EPHX2: variants seen among roughly 807,000 people sequenced by gnomAD.
EPHX2 encodes the protein epoxide hydrolase 2, also known as bifunctional epoxide hydrolase 2.
Under a neutral mutation model 78.7 loss-of-function variants are expected in EPHX2, and 74 were observed. The observed-to-expected ratio is 0.94, with a 90% CI of 0.78 to 1.14. The LOEUF (loss-of-function observed/expected upper bound fraction) is 1.14. EPHX2 is among the 50% of genes most tolerant of loss of function. The pLI, the probability that EPHX2 is intolerant of heterozygous loss-of-function variation, is 0.00. For synonymous variants in EPHX2, 251 were observed against 255.2 expected, an observed-to-expected ratio of 0.98 and a Z score of 0.16; for missense variants, 715 against 702.5, an observed-to-expected ratio of 1.02 and a Z score of -0.20.
chr8:27,509,040 T>A (rs1814132958), intron 5 of EPHX2, among the ~76,000 whole-genome samples: 2 of 141,744 alleles, frequency 1.4e-5, no homozygotes, highest in Non-Finnish European at 3.1e-5. Context: ...AGACTGTGTG[T>A]CCTGGCCCCT....
Position 27,541,528 on chromosome 8 carries a change from A to G in EPHX2, c.1435A>G (p.Ser479Gly). ...AAGGAACTGGAAGTGGGCTTGCAAA[A>G]GCTTGGGACGGAAGGTGAGTGCCAG... ...MERNWKWACK[S>G]LGRKILIPAL... Residue 479 changes from serine (S) to glycine (G), a missense_variant, in exon 16 of 19, where the codon AGC (serine) becomes GGC (glycine). Physicochemically the swap from Ser to Gly is moderately conservative, Grantham distance 56. Transcript: ENST00000521400. 1.2e-6 allele frequency: 2 copies of G among 1,614,246 alleles called. No homozygotes were observed. The highest frequency in any genetic ancestry group is 1.7e-6 in the Non-Finnish European group (2 of 1,180,032).
intron 6 of EPHX2, among the ~76,000 whole-genome samples, chr8:27,515,088 G>C (rs967411726): frequency 2.0e-5 from 3 of 152,178 alleles, no homozygotes; most frequent in African/African-American, 7.2e-5. Context: ...TTGCAGCAGG[G>C]AGGAGCCTGG....
chr8:27,535,078 G>A (rs1418835844), intron 12 of EPHX2, among the ~76,000 whole-genome samples: 3 of 152,218 alleles, frequency 2.0e-5, no homozygotes, highest in African/African-American at 7.2e-5. Flanking sequence ...TTAGAGGGAA[G>A]GAGAGGAGAG....
rs375905332 is a variant in EPHX2, at chr8:27,516,376, T to C, written c.888T>C (p.Tyr296=). Residue 296 remains tyrosine (Y), a synonymous_variant, in exon 8 of 19, where the codon TAT becomes TAC. Transcript: ENST00000521400. ...YRVLAMDMKG[Y]GESSAPPEIE... is the part of the protein sequence containing the mutation. Reference sequence around the variant, plus strand: ...TCCTAGCTATGGACATGAAAGGCTATGGAGAGTCATCTGCTCCTCCCGGTG... The same window carrying C: ...TCCTAGCTATGGACATGAAAGGCTACGGAGAGTCATCTGCTCCTCCCGGTG... 268 of 1,613,998 alleles carry C rather than the reference T, an allele frequency of 1.7e-4. No homozygotes were observed. The highest frequency in any genetic ancestry group is 2.2e-4 in the Non-Finnish European group (262 of 1,179,988).
At chr8:27,516,520 C>A in intron 8 of EPHX2, 122 bp downstream of exon 8, 2 of 895,584 alleles carry the variant, frequency 2.2e-6, no homozygotes, top group East Asian at 2.5e-5. Context: ...GAGAGTCTGA[C>A]TTCACCTCTT....
chr8:27,547,620 A>G (rs1204645597), downstream of EPHX2, among the ~76,000 whole-genome samples: 1 of 152,190 alleles, frequency 6.6e-6, no homozygotes, highest in Non-Finnish European at 1.5e-5. Flanking sequence ...GACTGTAGTC[A>G]TTGCTCAGTG....
chr8:27,492,372 A>G (rs1249996396), intron 1 of EPHX2, among the ~76,000 whole-genome samples: 2 of 152,174 alleles, frequency 1.3e-5, no homozygotes, highest in Non-Finnish European at 2.9e-5. Context: ...TTAGCTAGAC[A>G]TTAGTGCATG....
chr8:27,544,077 G>C, intron 17 of EPHX2, 109 bp from the exon 18 acceptor site: 1 of 1,310,858 alleles, frequency 7.6e-7, no homozygotes, highest in Non-Finnish European at 1.1e-6. Flanking sequence ...GGTTTGGGCA[G>C]GGTGGCCTGC....
At chr8:27,513,300 G>A (rs1321219004) in intron 6 of EPHX2, among the ~76,000 whole-genome samples, 1 of 152,208 alleles carries the variant, frequency 6.6e-6, no homozygotes, top group Non-Finnish European at 1.5e-5. Flanking sequence ...TTCTCCTGAA[G>A]GGGTGAGTGT....
At chr8:27,510,932 G>C (rs1196930098) in intron 5 of EPHX2, among the ~76,000 whole-genome samples, 1 of 152,146 alleles carries the variant, frequency 6.6e-6, no homozygotes, top group African/African-American at 2.4e-5. Context: ...CTGGATGACA[G>C]AGCAGAGACC....
chr8:27,532,729 T>G (rs12547188), intron 12 of EPHX2, among the ~76,000 whole-genome samples: 11,817 of 152,072 alleles, frequency 0.078, 565 homozygotes, highest in East Asian at 0.17. Flanking sequence ...TTTCCCTCTT[T>G]CTCTCATAAG....
At chr8:27,518,769 G>A (rs1405912123) in intron 9 of EPHX2, among the ~76,000 whole-genome samples, 2 of 152,198 alleles carry the variant, frequency 1.3e-5, no homozygotes, top group African/African-American at 4.8e-5. Flanking sequence ...GCTGGCTTTG[G>A]CATCTCAGAA....
intron 12 of EPHX2, among the ~76,000 whole-genome samples, chr8:27,534,198 A>G (rs1186063176): frequency 6.6e-6 from 1 of 152,198 alleles, no homozygotes; most frequent in Non-Finnish European, 1.5e-5. Context: ...ATTGAATCTT[A>G]CAAAACGGAG....
At chr8:27,494,590 G>A (rs1426113810) in intron 1 of EPHX2, among the ~76,000 whole-genome samples, 1 of 152,228 alleles carries the variant, frequency 6.6e-6, no homozygotes, top group African/African-American at 2.4e-5. Context: ...TATGGGCGAA[G>A]TCTAACTGCC....
intron 11 of EPHX2, among the ~76,000 whole-genome samples, chr8:27,523,793 G>A (rs1814731633): frequency 6.6e-6 from 1 of 152,054 alleles, no homozygotes; most frequent in Non-Finnish European, 1.5e-5. Flanking sequence ...CATTCAAAGT[G>A]GAAATAAGAG....
Position 27,540,652 on chromosome 8 carries a change from T to G in EPHX2, c.1375T>G (p.Phe459Val). The change falls in exon 15 of 19, where the codon TTC (phenylalanine) becomes GTC (valine). Residue 459 changes from phenylalanine (F) to valine (V), a missense_variant. Coordinates refer to ENST00000521400, the MANE Select transcript of EPHX2 (RefSeq NM_001979.6). ...FYVQQFKKSG[F>V]RGPLNWYRNM... The stretch of plus-strand genomic sequence containing the variant: ...TGTGCAGCAGTTCAAGAAGTCTGGT[T>G]TCAGGTAAAGAGAGCACAGGGCCCA... 1 of 1,613,830 alleles carries G rather than the reference T, an allele frequency of 6.2e-7. No individual in the cohort carries two copies. The highest frequency in any genetic ancestry group is 8.5e-7 in the Non-Finnish European group (1 of 1,179,786).
chr8:27,523,935 GTTTT>G (rs58934271), intron 11 of EPHX2, among the ~76,000 whole-genome samples: 1 of 139,852 alleles, frequency 7.2e-6, no homozygotes, highest in Non-Finnish European at 1.6e-5. Context: ...TTCTATTCCT[GTTTT>G]TTTTTTTTTT....
intron 4 of EPHX2, among the ~76,000 whole-genome samples, chr8:27,506,642 A>G (rs1378701971): frequency 3.9e-5 from 6 of 152,306 alleles, no homozygotes; most frequent in African/African-American, 1.4e-4. Context: ...ATAAGTGTGT[A>G]TCCTCTCCTA....
At chr8:27,513,866 C>T (rs1266824390) in intron 6 of EPHX2, among the ~76,000 whole-genome samples, 1 of 152,278 alleles carries the variant, frequency 6.6e-6, no homozygotes, top group East Asian at 1.9e-4. Flanking sequence ...AAACATTTCT[C>T]AGTGTAAGGT....
Sources: gnomAD v4.1 joint callset for allele counts (sites outside exome capture counted in the v4.1 genomes callset) on GRCh38, gnomAD v4.1.1 for gene constraint, MANE v1.5 for transcripts, NCBI Gene and HGNC (gene_info 2026-07-23, HGNC 2026-07-21) for gene names.